The following AGBL1 variants were observed in gnomAD, a reference collection of about 807,000 sequenced individuals.
AGBL1 encodes the protein cytosolic carboxypeptidase 4.
In AGBL1, 130 loss-of-function variants were observed where a neutral mutation model predicts 118.9. The ratio of observed to expected loss-of-function variants is 1.09; its 90% CI spans 0.95 to 1.26. The LOEUF (loss-of-function observed/expected upper bound fraction) is 1.26, where lower values mean the gene tolerates loss of function less well. Ranked by LOEUF, AGBL1 falls within the 50% of genes most tolerant of loss-of-function variation. The probability of loss-of-function intolerance (pLI) is 0.00; values close to 1 mark genes in which losing one functional copy is unlikely to be tolerated. For missense variants in AGBL1, 1,584 were observed against 1,298.1 expected, an observed-to-expected ratio of 1.22 and a Z score of -3.38; for synonymous variants, 555 against 478.9, an observed-to-expected ratio of 1.16 and a Z score of -2.08.
chr15:86,426,619 T>A (rs2081869664), intron 18 of AGBL1, among the ~76,000 whole-genome samples: 1 of 152,208 alleles, frequency 6.6e-6, no homozygotes, highest in Non-Finnish European at 1.5e-5. Flanking sequence ...ATGCCCTGCC[T>A]AAATGCAGCC....
intron 22 of AGBL1, among the ~76,000 whole-genome samples, chr15:86,692,828 A>AT (rs2086195524): frequency 6.6e-6 from 1 of 152,124 alleles, no homozygotes; most frequent in Admixed American, 6.6e-5. Flanking sequence ...TTCATAGCTG[A>AT]GCTTCCACTT....
At chr15:86,970,825 G>A (rs2081101003) in intron 23 of AGBL1, among the ~76,000 whole-genome samples, 1 of 151,870 alleles carries the variant, frequency 6.6e-6, no homozygotes, top group African/African-American at 2.4e-5. Context: ...ATATCTATGG[G>A]TCCTCCATCT....
At chr15:86,372,249 G>A (rs2080981574) in intron 17 of AGBL1, among the ~76,000 whole-genome samples, 1 of 152,338 alleles carries the variant, frequency 6.6e-6, no homozygotes, top group Non-Finnish European at 1.5e-5. Context: ...CATTTGGTTG[G>A]CTTAGTCTTG....
At chr15:86,826,318 T>C (rs2079012439) in intron 22 of AGBL1, among the ~76,000 whole-genome samples, 1 of 152,182 alleles carries the variant, frequency 6.6e-6, no homozygotes, top group Admixed American at 6.6e-5. Flanking sequence ...TTGAGGATGA[T>C]GCTTGGTAAA....
intron 22 of AGBL1, among the ~76,000 whole-genome samples, chr15:86,723,031 T>C (rs1215357098): frequency 6.6e-6 from 1 of 152,076 alleles, no homozygotes. Context: ...TGTGGAGAAA[T>C]AGGAACACTT....
intron 21 of AGBL1, among the ~76,000 whole-genome samples, chr15:86,612,418 G>A (rs1287122594): frequency 6.9e-6 from 1 of 145,736 alleles, no homozygotes; most frequent in Non-Finnish European, 1.5e-5. Context: ...TGAAGAACTA[G>A]TTCAGGCCAT....
chr15:86,781,694 A>G (rs2078338554), intron 22 of AGBL1, among the ~76,000 whole-genome samples: 1 of 152,190 alleles, frequency 6.6e-6, no homozygotes, highest in African/African-American at 2.4e-5. Context: ...AAATTGAGTC[A>G]CTAAAATCTC....
At chr15:86,287,585 T>G (rs2079474537) in intron 16 of AGBL1, among the ~76,000 whole-genome samples, 1 of 152,192 alleles carries the variant, frequency 6.6e-6, no homozygotes, top group African/African-American at 2.4e-5. Context: ...CCAACACCAT[T>G]TATTGAAGAA....
Position 86,907,220 on chromosome 15 carries a change from G to C in AGBL1, c.3292G>C (p.Glu1098Gln), listed in dbSNP as rs530866088. The change falls in exon 23 of 23, where the codon GAG (glutamate) becomes CAG (glutamine). Residue 1098 changes from glutamate to glutamine, a missense_variant. Glu to Gln is a conservative substitution (Grantham distance 29). Coordinates refer to ENST00000614907, the MANE Select transcript of AGBL1 (RefSeq NM_001386094.1). The part of the protein sequence containing the change: ...SLSELDRRIQ[E>Q]CAFNKFEGEE... ...GTCTGAGCTGGACCGGAGGATCCAG[G>C]AGTGTGCCTTCAATAAGTTTGAGGG... 1 of 152,306 alleles carries C rather than the reference G, an allele frequency of 6.6e-6. No individual in the cohort carries two copies. The allele number at this position is 152,306 out of a possible 1,614,324, so 9.4% of individuals were successfully genotyped here.
At chr15:86,478,892 C>G (rs558898222) in intron 18 of AGBL1, among the ~76,000 whole-genome samples, 2 of 152,050 alleles carry the variant, frequency 1.3e-5, no homozygotes, top group East Asian at 3.9e-4. Flanking sequence ...GAGATATAGA[C>G]CAATGGAACA....
intron 22 of AGBL1, among the ~76,000 whole-genome samples, chr15:86,852,398 G>C (rs1046485929): frequency 2.0e-5 from 3 of 152,096 alleles, no homozygotes; most frequent in Admixed American, 6.5e-5. Flanking sequence ...ATTACAATTG[G>C]AGATTATATT....
Position 86,264,608 on chromosome 15 carries a change from T to G in AGBL1, c.1437T>G (p.Ser479Arg). The change falls in exon 11 of 23, where the codon AGT (serine) becomes AGG (arginine). Residue 479 changes from serine (S) to arginine (R), a missense_variant. Physicochemically the swap from Ser to Arg is moderately radical, Grantham distance 110 (BLOSUM62 -1). Transcript: ENST00000614907. ...DVDAIFCPRM[S>R]ASFSNSTRTR... is the part of the protein sequence containing the mutation. ...ATGCAATTTTCTGCCCAAGGATGAG[T>G]GCCTCCTTTTCTAATTCCACTAGGA... is the stretch of plus-strand genomic sequence containing the variant. 1 of 1,613,836 alleles carries G rather than the reference T, an allele frequency of 6.2e-7. No individual in the cohort carries two copies. The highest frequency in any genetic ancestry group is 1.1e-5 in the South Asian group (1 of 91,050).
chr15:86,192,154 GTGCACACACACACA>G (rs1324570200), intron 5 of AGBL1, among the ~76,000 whole-genome samples: 17 of 150,618 alleles, frequency 1.1e-4, no homozygotes, highest in South Asian at 2.1e-4. Context: ...ACGCATGCAC[GTGCACACACACACA>G]TGCACACACA....
chr15:86,267,735 G>A (rs2079096759), intron 13 of AGBL1, among the ~76,000 whole-genome samples: 1 of 152,154 alleles, frequency 6.6e-6, no homozygotes, highest in Non-Finnish European at 1.5e-5. Context: ...AAGAGACCGC[G>A]GTTCTCACTA....
chr15:86,549,325 T>A (rs866717693), intron 20 of AGBL1, among the ~76,000 whole-genome samples: 2 of 152,116 alleles, frequency 1.3e-5, no homozygotes, highest in African/African-American at 4.8e-5. Flanking sequence ...AGAGTGGAAG[T>A]CTTATGCACT....
chr15:86,741,414 A>AAAAAAAAAAAAAAAAAT (rs1452405568), intron 22 of AGBL1, among the ~76,000 whole-genome samples: 2 of 133,928 alleles, frequency 1.5e-5, no homozygotes, highest in Non-Finnish European at 3.2e-5. Flanking sequence ...AAAAAAAAAA[A>AAAAAAAAAAAAAAAAAT]AAAAAAAGAA....
chr15:86,422,035 C>T (rs1479891541), intron 18 of AGBL1, among the ~76,000 whole-genome samples: 1 of 151,822 alleles, frequency 6.6e-6, no homozygotes, highest in Non-Finnish European at 1.5e-5. Context: ...AATATTAGAT[C>T]AACGAGACAG....
chr15:86,973,310 A>T (rs188682355), intron 23 of AGBL1, among the ~76,000 whole-genome samples: 12 of 152,172 alleles, frequency 7.9e-5, no homozygotes, highest in Admixed American at 7.9e-4. Context: ...TGAAACCTAA[A>T]CTTACTTTTG....
At chr15:86,081,316 C>T (rs1260283503) in intron 1 of AGBL1, among the ~76,000 whole-genome samples, 2 of 152,200 alleles carry the variant, frequency 1.3e-5, no homozygotes, top group African/African-American at 2.4e-5. Context: ...GCTGGGATTA[C>T]AGGCGTGAGC....
Sources: gnomAD v4.1 joint callset for allele counts (sites outside exome capture counted in the v4.1 genomes callset) on GRCh38, gnomAD v4.1.1 for gene constraint, MANE v1.5 for transcripts, NCBI Gene and HGNC (gene_info 2026-07-23, HGNC 2026-07-21) for gene names.